The following EYS variants were observed in gnomAD, a reference collection of about 807,000 sequenced individuals.
EYS encodes protein eyes shut homolog.
In EYS, 250 loss-of-function variants were observed where a neutral mutation model predicts 282.1. That is an observed-to-expected ratio of 0.89 (90% CI 0.80 to 0.98). The LOEUF (loss-of-function observed/expected upper bound fraction) is 0.98. Ranked by LOEUF, EYS falls within the 50% of genes least tolerant of loss-of-function variation. The pLI, the probability that EYS is intolerant of heterozygous loss-of-function variation, is 0.00. For synonymous variants in EYS, 1,355 were observed against 1,282.9 expected, an observed-to-expected ratio of 1.06 and a Z score of -1.20; for missense variants, 4,016 against 3,709.0, an observed-to-expected ratio of 1.08 and a Z score of -2.15.
At chr6:64,111,684 A>T (rs1161048785) in intron 31 of EYS, among the ~76,000 whole-genome samples, 1 of 152,076 alleles carries the variant, frequency 6.6e-6, no homozygotes, top group East Asian at 1.9e-4. Context: ...CCATGAATTT[A>T]TAGTAGTACC....
At chr6:64,903,093 A>G (rs977350484) in intron 16 of EYS, among the ~76,000 whole-genome samples, 1 of 152,120 alleles carries the variant, frequency 6.6e-6, no homozygotes, top group Non-Finnish European at 1.5e-5. Context: ...TTTGTGTCAG[A>G]AAAAACCTGC....
chr6:65,227,167 A>AAAAAAAC (rs1766650183), intron 12 of EYS, among the ~76,000 whole-genome samples: 1 of 152,064 alleles, frequency 6.6e-6, no homozygotes, highest in Non-Finnish European at 1.5e-5. Flanking sequence ...CCAAAAAAAA[A>AAAAAAAC]AAAAAACAAG....
In EYS at chr6:63,864,202, T is replaced by G. The variant is rs1178964789; in HGVS notation, c.7212A>C (p.Gly2404=). ...TGCTCTTACCATCAGTGCAGAGGGG[T>G]CCAGACCTCCCATATGGGCAGAGGC... is the stretch of plus-strand genomic sequence containing the variant. ...IVCLCPYGRS[G]PLCTDAINIT... Residue 2404 remains glycine, a synonymous_variant, in exon 36 of 43, where the codon GGA becomes GGC. Coordinates refer to ENST00000503581, the MANE Select transcript of EYS (RefSeq NM_001142800.2). 7.8e-6 allele frequency: 12 copies of G among 1,540,750 alleles called. No homozygotes were observed. The highest frequency in any genetic ancestry group is 2.5e-5 in the East Asian group (1 of 40,764).
intron 26 of EYS, among the ~76,000 whole-genome samples, chr6:64,498,175 T>C (rs1040686083): frequency 1.3e-5 from 2 of 152,188 alleles, no homozygotes; most frequent in Non-Finnish European, 2.9e-5. Context: ...CTTTAAGTTA[T>C]TTATTGCTCT....
intron 10 of EYS, 144 bp downstream of exon 10, chr6:65,343,891 TTTG>T (rs1271604691): frequency 2.9e-6 from 2 of 689,744 alleles, no homozygotes; most frequent in African/African-American, 1.8e-5. Context: ...CTGTTGAGAA[TTTG>T]TTTACGAAGT....
intron 26 of EYS, among the ~76,000 whole-genome samples, chr6:64,522,207 T>C (rs1179567927): frequency 6.6e-6 from 1 of 151,792 alleles, no homozygotes; most frequent in Non-Finnish European, 1.5e-5. Context: ...TCAATTTCAG[T>C]TGGTAATGCT....
chr6:64,443,594 G>C (rs528232452), intron 26 of EYS, among the ~76,000 whole-genome samples: 1 of 152,198 alleles, frequency 6.6e-6, no homozygotes, highest in Non-Finnish European at 1.5e-5. Flanking sequence ...CCTGGTGAGA[G>C]ATGATTGAAT....
intron 31 of EYS, among the ~76,000 whole-genome samples, chr6:64,167,003 G>A (rs1764310474): frequency 6.6e-6 from 1 of 152,166 alleles, no homozygotes; most frequent in Admixed American, 6.5e-5. Flanking sequence ...TCCACCACGT[G>A]CACACAAATA....
chr6:65,618,527 T>C (rs1562292252), intron 2 of EYS, among the ~76,000 whole-genome samples: 1 of 152,228 alleles, frequency 6.6e-6, no homozygotes, highest in Non-Finnish European at 1.5e-5. Context: ...GATGGTAGTT[T>C]CTTTTGCTGT....
At chr6:64,839,616 A>G (rs1765501197) in intron 19 of EYS, among the ~76,000 whole-genome samples, 1 of 151,980 alleles carries the variant, frequency 6.6e-6, no homozygotes, top group East Asian at 1.9e-4. Context: ...GTATTGCTAT[A>G]ATTATATACT....
intron 35 of EYS, among the ~76,000 whole-genome samples, chr6:63,907,247 C>T (rs1773800406): frequency 6.6e-6 from 1 of 152,148 alleles, no homozygotes; most frequent in Non-Finnish European, 1.5e-5. Context: ...TTTCCCCTTT[C>T]TTTCTAATAT....
chr6:64,537,958 GCTAA>G (rs1271342672), intron 26 of EYS, among the ~76,000 whole-genome samples: 1 of 152,116 alleles, frequency 6.6e-6, no homozygotes, highest in Non-Finnish European at 1.5e-5. Context: ...CACAATTCTG[GCTAA>G]CTAAAATATT....
intron 2 of EYS, among the ~76,000 whole-genome samples, chr6:65,599,411 C>T (rs1296991395): frequency 2.6e-5 from 4 of 152,004 alleles, no homozygotes; most frequent in Non-Finnish European, 5.9e-5. Context: ...AGAAGATTCA[C>T]AGAGGTTATG....
chr6:64,250,616 A>G (rs1366374492), intron 30 of EYS, among the ~76,000 whole-genome samples: 1 of 152,258 alleles, frequency 6.6e-6, no homozygotes, highest in African/African-American at 2.4e-5. Flanking sequence ...CCAATAGCTT[A>G]CATTGAAGGG....
At chr6:64,537,635 C>T (rs1281115089) in intron 26 of EYS, among the ~76,000 whole-genome samples, 1 of 152,162 alleles carries the variant, frequency 6.6e-6, no homozygotes, top group Non-Finnish European at 1.5e-5. Flanking sequence ...TTCCACTTAA[C>T]ACATAATCTC....
At chr6:65,024,685 T>A (rs1360276791) in intron 13 of EYS, among the ~76,000 whole-genome samples, 1 of 152,248 alleles carries the variant, frequency 6.6e-6, no homozygotes, top group Non-Finnish European at 1.5e-5. Context: ...TAGGTTTTGA[T>A]AAATATGATT....
chr6:64,102,180 A>G (rs1290062874), intron 31 of EYS, among the ~76,000 whole-genome samples: 1 of 152,204 alleles, frequency 6.6e-6, no homozygotes, highest in Non-Finnish European at 1.5e-5. Context: ...AATGTGTAGC[A>G]TAATATTCTT....
intron 24 of EYS, among the ~76,000 whole-genome samples, chr6:64,603,338 C>T (rs1766821372): frequency 6.6e-6 from 1 of 151,910 alleles, no homozygotes; most frequent in South Asian, 2.1e-4. Flanking sequence ...AGAGCATAAT[C>T]CCACAGAGAT....
intron 9 of EYS, among the ~76,000 whole-genome samples, chr6:65,350,895 A>C (rs2150325177): frequency 6.6e-6 from 1 of 151,764 alleles, no homozygotes; most frequent in Non-Finnish European, 1.5e-5. Context: ...TGTTAGAAAA[A>C]TCCCTTAATT....
Sources: gnomAD v4.1 joint callset for allele counts (sites outside exome capture counted in the v4.1 genomes callset) on GRCh38, gnomAD v4.1.1 for gene constraint, MANE v1.5 for transcripts, NCBI Gene and HGNC (gene_info 2026-07-23, HGNC 2026-07-21) for gene names.